LHPP: variants seen among roughly 807,000 people sequenced by gnomAD.
LHPP encodes hLHPP.
A neutral mutation model predicts 30.3 loss-of-function variants in LHPP; 24 were observed. The observed-to-expected ratio is 0.79, with a 90% CI of 0.57 to 1.11. LHPP has a LOEUF of 1.11. Ranked by LOEUF, LHPP falls within the 50% of genes most tolerant of loss-of-function variation. LHPP has a pLI of 0.00. For synonymous variants in LHPP, 150 were observed against 157.1 expected (o/e 0.95, Z 0.34); for missense variants, 356 against 367.2 (o/e 0.97, Z 0.25).
intron 6 of LHPP, among the ~76,000 whole-genome samples, chr10:124,602,318 C>T (rs1949034384): frequency 6.6e-6 from 1 of 152,364 alleles, no homozygotes; most frequent in African/African-American, 2.4e-5. Flanking sequence ...GCGCGCTGTG[C>T]AGAGCACATA....
chr10:124,487,538 G>A (rs1168733108), intron 2 of LHPP, among the ~76,000 whole-genome samples: 2 of 151,308 alleles, frequency 1.3e-5, no homozygotes, highest in Non-Finnish European at 2.9e-5. Context: ...TGCCTCTCGG[G>A]TTCAAGTGAT....
At chr10:124,565,435 A>G (rs1262602138) in intron 6 of LHPP, among the ~76,000 whole-genome samples, 1 of 152,036 alleles carries the variant, frequency 6.6e-6, no homozygotes, top group Non-Finnish European at 1.5e-5. Flanking sequence ...GTGGCAGTTT[A>G]TGTTGAGGAT....
rs899955882 is a variant in LHPP, at chr10:124,510,879, G to A, written c.625-6301G>A. The stretch of plus-strand genomic sequence containing the variant: ...GGACCCGAATACGGGGGCTCTGGCC[G>A]GCCCTGCTGCCAGATGCCAGCAGCC... On this transcript the variant is annotated intron_variant, in intron 5 of 6. Transcript: ENST00000368842. The surrounding 1 kb of genome is among the most constrained non-coding windows in gnomAD (Gnocchi z 4.0). 3.3e-5 allele frequency among the ~76,000 whole-genome samples: 5 copies of A among 152,208 alleles called. No homozygotes were observed. Among genetic ancestry groups the A allele is most frequent in the Non-Finnish European group, 2.9e-5 (2 of 68,028 alleles).
chr10:124,467,070 G>C (rs958005023), intron 1 of LHPP, among the ~76,000 whole-genome samples: 1 of 151,830 alleles, frequency 6.6e-6, no homozygotes, highest in Admixed American at 6.6e-5. Context: ...GCTGCCGTGA[G>C]CTATGAATGT....
At chr10:124,532,144 G>A (rs908743853) in intron 6 of LHPP, among the ~76,000 whole-genome samples, 2 of 152,206 alleles carry the variant, frequency 1.3e-5, no homozygotes, top group African/African-American at 4.8e-5. Context: ...CGTTCTTTGA[G>A]CCCTTCCTTG....
At chr10:124,558,682 C>T (rs1012880171) in intron 6 of LHPP, among the ~76,000 whole-genome samples, 14 of 152,340 alleles carry the variant, frequency 9.2e-5, no homozygotes, top group African/African-American at 2.2e-4. Context: ...GTGGAACGCA[C>T]GGGCTCAGGA....
chr10:124,499,708 C>CTT (rs1953846509), intron 5 of LHPP, among the ~76,000 whole-genome samples: 2 of 151,874 alleles, frequency 1.3e-5, no homozygotes, highest in Non-Finnish European at 2.9e-5. Context: ...TGTCCTGCTG[C>CTT]CTCCTCAGAA....
At chr10:124,546,554 C>T (rs565353626) in intron 6 of LHPP, among the ~76,000 whole-genome samples, 3 of 152,238 alleles carry the variant, frequency 2.0e-5, no homozygotes, top group South Asian at 4.1e-4. Context: ...AGGTGCCTGC[C>T]ACCACGCCCG....
chr10:124,591,452 C>T (rs145166865), intron 6 of LHPP, among the ~76,000 whole-genome samples: 141 of 152,142 alleles, frequency 9.3e-4, no homozygotes, highest in Non-Finnish European at 1.5e-3. Context: ...GCTGTCCCCC[C>T]GACTCCTGGT....
At chr10:124,490,550 G>A (rs898977320) in intron 3 of LHPP, 7 of 341,802 alleles carry the variant, frequency 2.0e-5, no homozygotes, top group Non-Finnish European at 3.6e-5. Flanking sequence ...TTCATAAATA[G>A]CAATCTGGTT....
At chr10:124,515,439 C>T (rs1012234769) in intron 5 of LHPP, among the ~76,000 whole-genome samples, 4 of 152,212 alleles carry the variant, frequency 2.6e-5, no homozygotes, top group African/African-American at 7.2e-5. Flanking sequence ...CTCATTCTCA[C>T]CTCTCTGTCA....
intron 6 of LHPP, among the ~76,000 whole-genome samples, chr10:124,584,610 A>C (rs976528034): frequency 6.6e-6 from 1 of 152,092 alleles, no homozygotes; most frequent in African/African-American, 2.4e-5. Context: ...AGCCCTCATG[A>C]CTGAATCACC....
intron 6 of LHPP, among the ~76,000 whole-genome samples, chr10:124,557,848 G>A (rs562659675): frequency 3.9e-5 from 6 of 152,280 alleles, no homozygotes; most frequent in African/African-American, 1.2e-4. Flanking sequence ...GTCTTGGGCT[G>A]AGTGGTGGAG....
intron 6 of LHPP, among the ~76,000 whole-genome samples, chr10:124,552,109 A>C (rs1948179352): frequency 6.6e-6 from 1 of 151,498 alleles, no homozygotes; most frequent in Non-Finnish European, 1.5e-5. Flanking sequence ...AGGGCCTGGC[A>C]CTCCAGGCTG....
chr10:124,487,810 A>G (rs1022754433), intron 2 of LHPP, among the ~76,000 whole-genome samples: 1 of 152,190 alleles, frequency 6.6e-6, no homozygotes, highest in East Asian at 1.9e-4. Context: ...TGTTTCTTCT[A>G]GGATCTGAAA....
chr10:124,599,050 C>T (rs1181002337), intron 6 of LHPP, among the ~76,000 whole-genome samples: 1 of 151,426 alleles, frequency 6.6e-6, no homozygotes, highest in Admixed American at 6.6e-5. Flanking sequence ...TCCATCCATC[C>T]CTGTCCATCC....
At chr10:124,507,234 AGGGTAGGCAGGATTTCAGGTCGGGG>A (rs1450683399) in intron 5 of LHPP, among the ~76,000 whole-genome samples, 162 of 808 alleles carry the variant, frequency 0.2, 1 homozygote, top group Non-Finnish European at 0.28. Context: ...TCAGGTGTGG[AGGGTAGGCAGGATTTCAGGTCGGGG>A]GGGTAGACAG....
intron 6 of LHPP, among the ~76,000 whole-genome samples, chr10:124,564,249 G>A (rs940445387): frequency 5.3e-5 from 8 of 151,512 alleles, no homozygotes; most frequent in African/African-American, 1.5e-4. Flanking sequence ...TCAGCCTCCC[G>A]AGTAGCTGGG....
At chr10:124,528,078 CTCTGGGT>C in intron 6 of LHPP, among the ~76,000 whole-genome samples, 1 of 140,390 alleles carries the variant, frequency 7.1e-6, no homozygotes, top group South Asian at 2.3e-4. Flanking sequence ...CCTTGCTTGG[CTCTGGGT>C]TTCCTCATGT....
Sources: gnomAD v4.1 joint callset for allele counts (sites outside exome capture counted in the v4.1 genomes callset) on GRCh38, gnomAD v4.1.1 for gene constraint, Gnocchi (gnomAD v3.1) non-coding constraint, MANE v1.5 for transcripts, NCBI Gene and HGNC (gene_info 2026-07-23, HGNC 2026-07-21) for gene names.